CPNE4: variants seen among roughly 807,000 people sequenced by gnomAD.
The protein encoded by CPNE4 is copine-4.
CPNE4 carries 25 observed loss-of-function variants against 67.9 expected under a neutral mutation model. The ratio of observed to expected loss-of-function variants is 0.37; its 90% confidence interval spans 0.27 to 0.51. CPNE4 has a LOEUF of 0.51. CPNE4 is among the 20% of genes least tolerant of loss of function. The probability of loss-of-function intolerance (pLI) is 0.93; values close to 1 mark genes in which losing one functional copy is unlikely to be tolerated. For synonymous variants in CPNE4, 242 were observed against 244.9 expected, an observed-to-expected ratio of 0.99 and a Z score of 0.11; for missense variants, 464 against 690.8, an observed-to-expected ratio of 0.67 and a Z score of 3.68.
intron 2 of CPNE4, among the ~76,000 whole-genome samples, chr3:131,885,030 C>A (rs1160898280): frequency 6.6e-6 from 1 of 152,122 alleles, no homozygotes; most frequent in African/African-American, 2.4e-5. Context: ...AACTTTGGAA[C>A]TGGGTAACAG....
At chr3:131,729,607 G>T (rs1474506217) in intron 2 of CPNE4, among the ~76,000 whole-genome samples, 4 of 152,146 alleles carry the variant, frequency 2.6e-5, no homozygotes, top group Non-Finnish European at 5.9e-5. Flanking sequence ...ATGAGACATG[G>T]TTTTAATTTT....
At chr3:131,683,355 G>C (rs937021154) in intron 6 of CPNE4, among the ~76,000 whole-genome samples, 2 of 152,128 alleles carry the variant, frequency 1.3e-5, no homozygotes, top group Non-Finnish European at 2.9e-5. Flanking sequence ...AGAAGGTAAT[G>C]GATCCTGCTT....
At chr3:131,700,741 T>G (rs1386571129) in intron 3 of CPNE4, among the ~76,000 whole-genome samples, 1 of 152,206 alleles carries the variant, frequency 6.6e-6, no homozygotes, top group Non-Finnish European at 1.5e-5. Flanking sequence ...ATCCCATTAC[T>G]GGGTACATAC....
chr3:131,819,555 G>T (rs1453490255), intron 2 of CPNE4, among the ~76,000 whole-genome samples: 1 of 151,320 alleles, frequency 6.6e-6, no homozygotes, highest in African/African-American at 2.4e-5. Flanking sequence ...ATCCTGCTTG[G>T]CATGAATATG....
chr3:131,952,762 C>T lies in CPNE4; in HGVS notation c.-1-47318G>A, dbSNP rs1423830310. Among the ~76,000 whole-genome samples the T allele has an allele frequency of 3.3e-5, 5 of 152,040 alleles. No individual in the cohort carries two copies. The South Asian group carries it at 8.3e-4, about 25-fold the overall frequency. Reference sequence around the variant, plus strand: ...GGTGTACCCAACAGCTCATTGAGAACGGGCCAGGATGACCATGGCGGTTTT... The same window carrying T: ...GGTGTACCCAACAGCTCATTGAGAATGGGCCAGGATGACCATGGCGGTTTT... On this transcript the variant is annotated intron_variant, in intron 1 of 15. Coordinates refer to ENST00000429747, the MANE Select transcript of CPNE4 (RefSeq NM_130808.3).
chr3:131,680,461 T>C (rs887251359), intron 6 of CPNE4, among the ~76,000 whole-genome samples: 5 of 152,064 alleles, frequency 3.3e-5, no homozygotes, highest in African/African-American at 1.2e-4. Context: ...ATAAAAACAC[T>C]ACACTTTAAC....
intron 2 of CPNE4, among the ~76,000 whole-genome samples, chr3:131,833,572 TG>T (rs1204018263): frequency 1.3e-5 from 2 of 152,134 alleles, no homozygotes; most frequent in Non-Finnish European, 2.9e-5. Flanking sequence ...GGCATGTGCC[TG>T]TAGTTCCAGC....
intron 7 of CPNE4, among the ~76,000 whole-genome samples, chr3:131,614,876 T>C (rs1280481238): frequency 6.6e-6 from 1 of 152,224 alleles, no homozygotes; most frequent in Non-Finnish European, 1.5e-5. Flanking sequence ...TGTCTTAATA[T>C]CTTGTTTTTA....
At chr3:131,897,120 A>C (rs946178883) in intron 2 of CPNE4, among the ~76,000 whole-genome samples, 1 of 152,098 alleles carries the variant, frequency 6.6e-6, no homozygotes, top group African/African-American at 2.4e-5. Flanking sequence ...AGAGAAAAAC[A>C]TTAATTTTAT....
At chr3:131,787,872 AG>A (rs2083608581) in intron 2 of CPNE4, among the ~76,000 whole-genome samples, 1 of 152,158 alleles carries the variant, frequency 6.6e-6, no homozygotes, top group Non-Finnish European at 1.5e-5. Context: ...AAGGTGGTGC[AG>A]ATGTTTGTTC....
intron 2 of CPNE4, among the ~76,000 whole-genome samples, chr3:131,755,513 G>A (rs1157671892): frequency 6.6e-6 from 1 of 152,118 alleles, no homozygotes; most frequent in Non-Finnish European, 1.5e-5. Context: ...TTTATCCACT[G>A]CCTCTATTAT....
chr3:131,759,213 G>A (rs931140004), intron 2 of CPNE4, among the ~76,000 whole-genome samples: 2 of 152,144 alleles, frequency 1.3e-5, no homozygotes, highest in Non-Finnish European at 2.9e-5. Flanking sequence ...AGCCACTGAG[G>A]TTGGCAGGAT....
Position 132,009,418 on chromosome 3 carries a change from A to G in CPNE4, c.-2+25149T>C, listed in dbSNP as rs144774225. 8.5e-5 allele frequency among the ~76,000 whole-genome samples: 13 copies of G among 152,288 alleles called. No individual in the cohort carries two copies. In the East Asian group the frequency reaches 2.5e-3, roughly 29 times the overall value. On this transcript the variant is annotated intron_variant, in intron 1 of 15. Coordinates refer to ENST00000429747, the MANE Select transcript of CPNE4 (RefSeq NM_130808.3). ...GGTTTTCAGAGGCCATGTTGATGCC[A>G]TATGTTCATACCACTGAAGCATTTT...
intron 2 of CPNE4, among the ~76,000 whole-genome samples, chr3:131,751,046 T>G (rs1012161881): frequency 1.3e-5 from 2 of 152,236 alleles, no homozygotes; most frequent in East Asian, 3.9e-4. Flanking sequence ...ATAGGCAAAA[T>G]GTCATTTTTC....
At chr3:131,677,282 G>GT (rs779427796) in intron 6 of CPNE4, among the ~76,000 whole-genome samples, 23 of 151,438 alleles carry the variant, frequency 1.5e-4, no homozygotes, top group East Asian at 1.4e-3. Flanking sequence ...TTTTTAATGA[G>GT]TTTTTTTCTT....
chr3:131,563,723 T>C (rs1582804663), intron 11 of CPNE4, among the ~76,000 whole-genome samples: 2 of 152,048 alleles, frequency 1.3e-5, no homozygotes, highest in Admixed American at 6.6e-5. Flanking sequence ...GGCTACGTGA[T>C]AGTGTACAAA....
chr3:131,727,070 A>G (rs545136072), intron 2 of CPNE4, among the ~76,000 whole-genome samples: 3 of 152,352 alleles, frequency 2.0e-5, no homozygotes, highest in East Asian at 3.9e-4. Flanking sequence ...TATGGCTATC[A>G]TGTGATATAG....
intron 1 of CPNE4, among the ~76,000 whole-genome samples, chr3:131,953,987 C>T (rs1560670933): frequency 6.6e-6 from 1 of 151,954 alleles, no homozygotes; most frequent in Non-Finnish European, 1.5e-5. Context: ...ACATATGTAT[C>T]AAAATATCAC....
intron 1 of CPNE4, among the ~76,000 whole-genome samples, chr3:132,021,455 C>T (rs1312086444): frequency 1.3e-5 from 2 of 152,160 alleles, no homozygotes; most frequent in Non-Finnish European, 2.9e-5. Context: ...TAAAAATATG[C>T]TCCAAATGCA....
Sources: allele counts gnomAD v4.1 joint callset (sites outside exome capture counted in the v4.1 genomes callset), GRCh38; gene constraint gnomAD v4.1.1; transcripts MANE v1.5; gene names NCBI Gene and HGNC (gene_info 2026-07-23, HGNC 2026-07-21).